Variants in IQCM observed in about 807,000 individuals in gnomAD.
IQCM encodes the protein IQ domain-containing protein M.
A neutral mutation model predicts 57.6 loss-of-function variants in IQCM; 45 were observed. The ratio of observed to expected loss-of-function variants is 0.78; its 90% CI spans 0.62 to 1.00. The LOEUF (loss-of-function observed/expected upper bound fraction) is 1.00. Among genes scored for constraint, IQCM ranks in the 50% least tolerant of loss-of-function variants. The pLI is 0.00. For missense variants in IQCM, 468 were observed against 511.6 expected (o/e 0.91, Z 0.82); for synonymous variants, 148 against 158.9 (o/e 0.93, Z 0.51).
At chr4:149,425,695 C>A (rs939119906) in intron 13 of IQCM, among the ~76,000 whole-genome samples, 3 of 151,948 alleles carry the variant, frequency 2.0e-5, no homozygotes, top group Non-Finnish European at 4.4e-5. Flanking sequence ...TCCAGAAACA[C>A]CGTCACCCAG....
At chr4:149,721,551 T>A (rs1014297601) in intron 5 of IQCM, among the ~76,000 whole-genome samples, 19 of 152,294 alleles carry the variant, frequency 1.2e-4, no homozygotes, top group African/African-American at 4.6e-4. Context: ...GTATTTTATT[T>A]TCTATTCCTG....
intron 13 of IQCM, among the ~76,000 whole-genome samples, chr4:149,417,282 C>T (rs1361668106): frequency 6.6e-6 from 1 of 152,144 alleles, no homozygotes; most frequent in East Asian, 1.9e-4. Context: ...TGGCCTTGTC[C>T]TTAAGAATCC....
chr4:149,364,024 A>T (rs905210706), intron 13 of IQCM, among the ~76,000 whole-genome samples: 1 of 152,212 alleles, frequency 6.6e-6, no homozygotes, highest in Non-Finnish European at 1.5e-5. Context: ...AGAATTTAAC[A>T]CATAGAGACA....
At chr4:149,745,260 G>A (rs976584186) in intron 2 of IQCM, among the ~76,000 whole-genome samples, 10 of 152,330 alleles carry the variant, frequency 6.6e-5, no homozygotes, top group Middle Eastern at 3.4e-3. Context: ...TACATTTTAT[G>A]CTGCTGAAAT....
chr4:149,355,696 A>G (rs934285502), intron 13 of IQCM, among the ~76,000 whole-genome samples: 9 of 152,132 alleles, frequency 5.9e-5, no homozygotes, highest in African/African-American at 1.7e-4. Context: ...TAGTGTCGCA[A>G]TAAACATATG....
intron 13 of IQCM, among the ~76,000 whole-genome samples, chr4:149,411,027 T>C (rs756681850): frequency 1.3e-5 from 2 of 151,856 alleles, no homozygotes; most frequent in Non-Finnish European, 2.9e-5. Context: ...AAGCTAAGAG[T>C]TGTCTTCTTT....
intron 2 of IQCM, among the ~76,000 whole-genome samples, chr4:149,765,604 A>T (rs1769969821): frequency 6.6e-6 from 1 of 152,100 alleles, no homozygotes; most frequent in Non-Finnish European, 1.5e-5. Flanking sequence ...TTAATGAAAG[A>T]CCACAGGGTT....
chr4:149,747,898 C>G (rs956568874), intron 2 of IQCM, among the ~76,000 whole-genome samples: 7 of 152,166 alleles, frequency 4.6e-5, no homozygotes, highest in African/African-American at 1.7e-4. Context: ...TAGGATATCA[C>G]TTTAGCTAAC....
chr4:149,507,896 GT>G (rs913653956), intron 12 of IQCM, among the ~76,000 whole-genome samples: 1 of 152,006 alleles, frequency 6.6e-6, no homozygotes, highest in Non-Finnish European at 1.5e-5. Flanking sequence ...GGGAAAAATG[GT>G]TTGGTGGGCT....
chr4:149,533,549 A>T (rs1746971851), intron 12 of IQCM, among the ~76,000 whole-genome samples: 1 of 152,166 alleles, frequency 6.6e-6, no homozygotes, highest in Non-Finnish European at 1.5e-5. Context: ...GGGTACATAA[A>T]GAAATAGAAG....
intron 2 of IQCM, among the ~76,000 whole-genome samples, chr4:149,777,817 G>A (rs1423466185): frequency 6.6e-6 from 1 of 152,150 alleles, no homozygotes; most frequent in African/African-American, 2.4e-5. Flanking sequence ...AGCACCCAAG[G>A]ACTGACGCAG....
intron 12 of IQCM, among the ~76,000 whole-genome samples, chr4:149,527,875 C>T (rs988091836): frequency 6.6e-6 from 1 of 152,118 alleles, no homozygotes; most frequent in Non-Finnish European, 1.5e-5. Flanking sequence ...ACTTTCCTTT[C>T]CCTGACATCA....
At chr4:149,470,765 T>A (rs1739436006) in intron 12 of IQCM, among the ~76,000 whole-genome samples, 1 of 152,144 alleles carries the variant, frequency 6.6e-6, no homozygotes, top group African/African-American at 2.4e-5. Flanking sequence ...TATAACAAAC[T>A]GTCTCTCAGA....
intron 12 of IQCM, among the ~76,000 whole-genome samples, chr4:149,493,952 A>G (rs1742377932): frequency 6.6e-6 from 1 of 151,848 alleles, no homozygotes. Flanking sequence ...GAGCAGAATT[A>G]TAATCAGACA....
intron 7 of IQCM, among the ~76,000 whole-genome samples, chr4:149,632,867 T>C (rs532888457): frequency 1.3e-5 from 2 of 152,264 alleles, no homozygotes; most frequent in African/African-American, 4.8e-5. Context: ...AAGATAAATA[T>C]AAAGCAAATA....
intron 7 of IQCM, among the ~76,000 whole-genome samples, chr4:149,623,090 T>A (rs1261571164): frequency 6.6e-6 from 1 of 152,192 alleles, no homozygotes; most frequent in African/African-American, 2.4e-5. Flanking sequence ...ACTACCCTGA[T>A]CTGATCACTA....
intron 2 of IQCM, among the ~76,000 whole-genome samples, chr4:149,793,218 C>A (rs191505467): frequency 8.5e-5 from 13 of 152,256 alleles, no homozygotes; most frequent in Non-Finnish European, 1.6e-4. Flanking sequence ...TACCCAAGAT[C>A]TAGAGAAATT....
chr4:149,454,041 A>G (rs992827846), intron 12 of IQCM, among the ~76,000 whole-genome samples: 3 of 151,554 alleles, frequency 2.0e-5, no homozygotes, highest in African/African-American at 7.3e-5. Context: ...TCAATTGATG[A>G]GTAGCTAAAC....
intron 13 of IQCM, among the ~76,000 whole-genome samples, chr4:149,400,363 G>C (rs916103421): frequency 2.6e-5 from 4 of 151,940 alleles, no homozygotes; most frequent in Non-Finnish European, 4.4e-5. Flanking sequence ...GTGGAAAATA[G>C]GGACAATGTG....
Sources: allele counts gnomAD v4.1 joint callset (sites outside exome capture counted in the v4.1 genomes callset), GRCh38; gene constraint gnomAD v4.1.1; transcripts MANE v1.5; gene names NCBI Gene and HGNC (gene_info 2026-07-23, HGNC 2026-07-21).